The following MED13L variants were observed in gnomAD, a reference collection of about 807,000 sequenced individuals.
The protein encoded by MED13L is mediator complex subunit 13L.
A neutral mutation model predicts 220.9 loss-of-function variants in MED13L; 7 were observed. The ratio of observed to expected loss-of-function variants is 0.03; its 90% CI spans 0.02 to 0.06. MED13L has a LOEUF of 0.06. Ranked by LOEUF, MED13L falls within the 10% of genes least tolerant of loss-of-function variation. The pLI is 1.00. For missense variants in MED13L, 1,965 were observed against 2,760.5 expected, an observed-to-expected ratio of 0.71 and a Z score of 6.46; for synonymous variants, 1,011 against 1,015.2, an observed-to-expected ratio of 1.00 and a Z score of 0.08.
At chr12:116,239,417 T>C (rs568910398) in intron 1 of MED13L, among the ~76,000 whole-genome samples, 33 of 152,320 alleles carry the variant, frequency 2.2e-4, no homozygotes, top group African/African-American at 7.0e-4. Flanking sequence ...CTACTGTATA[T>C]GTCCTTCCTC....
At chr12:116,093,692 A>C (rs917152794) in intron 4 of MED13L, among the ~76,000 whole-genome samples, 3 of 152,016 alleles carry the variant, frequency 2.0e-5, no homozygotes, top group Non-Finnish European at 4.4e-5. Flanking sequence ...ATATGCTAAG[A>C]TTATAGATAT....
At chr12:116,209,417 GC>G (rs1882556015) in intron 2 of MED13L, among the ~76,000 whole-genome samples, 1 of 152,104 alleles carries the variant, frequency 6.6e-6, no homozygotes, top group Admixed American at 6.6e-5. Flanking sequence ...AATCACATGT[GC>G]TAGAACATAT....
At chr12:116,106,431 G>A (rs1873581052) in intron 3 of MED13L, among the ~76,000 whole-genome samples, 1 of 149,720 alleles carries the variant, frequency 6.7e-6, no homozygotes, top group African/African-American at 2.6e-5. Flanking sequence ...AGAAATGAAA[G>A]TTAGAGGAAG....
chr12:116,044,396 C>A (rs943362193), intron 4 of MED13L, among the ~76,000 whole-genome samples: 2 of 152,132 alleles, frequency 1.3e-5, no homozygotes, highest in African/African-American at 4.8e-5. Context: ...CGAAAGAAAG[C>A]GCAAGTGAAT....
chr12:116,234,824 AT>A (rs558295895), intron 2 of MED13L, among the ~76,000 whole-genome samples: 108 of 145,976 alleles, frequency 7.4e-4, no homozygotes, highest in Non-Finnish European at 5.8e-4. Context: ...CACCTGGCTA[AT>A]TTTTTTTTTT....
At chr12:116,106,790 G>C (rs1277277145) in intron 3 of MED13L, among the ~76,000 whole-genome samples, 1 of 150,980 alleles carries the variant, frequency 6.6e-6, no homozygotes, top group Non-Finnish European at 1.5e-5. Context: ...AGATTGCAGT[G>C]AGCCAAGATC....
chr12:116,040,036 G>A (rs1056361996), intron 4 of MED13L, among the ~76,000 whole-genome samples: 2 of 152,140 alleles, frequency 1.3e-5, no homozygotes, highest in Admixed American at 1.3e-4. Context: ...TAAGGGGGAT[G>A]GGAGAAAACA....
intron 4 of MED13L, among the ~76,000 whole-genome samples, chr12:116,089,461 G>A (rs576664791): frequency 6.6e-6 from 1 of 152,190 alleles, no homozygotes; most frequent in Non-Finnish European, 1.5e-5. Flanking sequence ...AATGGGTTCA[G>A]TCTGAAAACA....
intron 2 of MED13L, among the ~76,000 whole-genome samples, chr12:116,196,023 A>G (rs1482460573): frequency 2.0e-5 from 3 of 152,234 alleles, no homozygotes; most frequent in Non-Finnish European, 1.5e-5. Context: ...GAAGTTTTAA[A>G]GATATATTAT....
chr12:116,201,985 G>C (rs2138312990), intron 2 of MED13L, among the ~76,000 whole-genome samples: 1 of 152,260 alleles, frequency 6.6e-6, no homozygotes, highest in South Asian at 2.1e-4. Flanking sequence ...AAAATTTAAA[G>C]TTTTAGGAAA....
At chr12:116,172,584 G>A (rs1879760643) in intron 2 of MED13L, among the ~76,000 whole-genome samples, 1 of 152,162 alleles carries the variant, frequency 6.6e-6, no homozygotes, top group South Asian at 2.1e-4. Flanking sequence ...CTAACAGCAT[G>A]TACCTCCAGG....
chr12:116,109,388 C>G (rs1002231718), intron 3 of MED13L, among the ~76,000 whole-genome samples: 2 of 151,872 alleles, frequency 1.3e-5, no homozygotes, highest in Non-Finnish European at 2.9e-5. Flanking sequence ...CTGCATTTCC[C>G]CTCCCTCCCA....
intron 3 of MED13L, among the ~76,000 whole-genome samples, chr12:116,108,293 T>A (rs1485676716): frequency 6.6e-6 from 1 of 150,670 alleles, no homozygotes; most frequent in African/African-American, 2.4e-5. Flanking sequence ...TGTACAGGTA[T>A]CCAACATTTT....
intron 2 of MED13L, among the ~76,000 whole-genome samples, chr12:116,161,004 T>C (rs1878815593): frequency 6.6e-6 from 1 of 152,206 alleles, no homozygotes; most frequent in South Asian, 2.1e-4. Flanking sequence ...GTATTTCTTA[T>C]AGTTCTGGCT....
At chr12:116,048,465 G>C (rs960491621) in intron 4 of MED13L, among the ~76,000 whole-genome samples, 1 of 152,152 alleles carries the variant, frequency 6.6e-6, no homozygotes, top group Non-Finnish European at 1.5e-5. Flanking sequence ...CAAAACATTA[G>C]GCTAGTGCAA....
At chr12:116,091,120 C>CAAAAAAAAAAAAAAAAAA (rs5801163) in intron 4 of MED13L, among the ~76,000 whole-genome samples, 1 of 87,390 alleles carries the variant, frequency 1.1e-5, no homozygotes, top group African/African-American at 4.3e-5. Flanking sequence ...AACTCTGTCT[C>CAAAAAAAAAAAAAAAAAA]AAAAAAAAAA....
At chr12:116,200,091 A>C (rs1214019010) in intron 2 of MED13L, among the ~76,000 whole-genome samples, 1 of 152,038 alleles carries the variant, frequency 6.6e-6, no homozygotes, top group Non-Finnish European at 1.5e-5. Context: ...AAAAAAAAAA[A>C]AAAAGGAGAA....
intron 5 of MED13L, among the ~76,000 whole-genome samples, chr12:116,021,998 T>A (rs536517553): frequency 1.3e-5 from 2 of 152,294 alleles, no homozygotes; most frequent in Non-Finnish European, 2.9e-5. Flanking sequence ...CTGAAGAAAC[T>A]ATACACTGTA....
chr12:116,129,507 A>G lies in MED13L; in HGVS notation c.311-17995T>C, dbSNP rs571674454. ...TGAACGTAAATTAAATCAAAGACATATAACACACAGACACTAATTTGGGAG... is the reference window on the plus strand; with the variant it reads ...TGAACGTAAATTAAATCAAAGACATGTAACACACAGACACTAATTTGGGAG... On this transcript the variant is annotated intron_variant, in intron 2 of 30. Coordinates refer to ENST00000281928, the MANE Select transcript of MED13L (RefSeq NM_015335.5). 2.6e-5 allele frequency among the ~76,000 whole-genome samples: 4 copies of G among 152,334 alleles called. No homozygotes were observed. In the East Asian group the frequency reaches 7.7e-4, roughly 29 times the overall value.
Sources: gnomAD v4.1 joint callset for allele counts (sites outside exome capture counted in the v4.1 genomes callset) on GRCh38, gnomAD v4.1.1 for gene constraint, MANE v1.5 for transcripts, NCBI Gene and HGNC (gene_info 2026-07-23, HGNC 2026-07-21) for gene names.